Variants in DAPK1 observed in about 807,000 individuals in gnomAD.
DAPK1 encodes the protein death associated protein kinase 1.
A neutral mutation model predicts 144.9 loss-of-function variants in DAPK1; 56 were observed. The ratio of observed to expected loss-of-function variants is 0.39; its 90% confidence interval spans 0.31 to 0.48. DAPK1 has a LOEUF of 0.48. Among genes scored for constraint, DAPK1 ranks in the 20% least tolerant of loss-of-function variants. The probability of loss-of-function intolerance (pLI) is 0.95; values close to 1 mark genes in which losing one functional copy is unlikely to be tolerated. For synonymous variants in DAPK1, 690 were observed against 749.0 expected, an observed-to-expected ratio of 0.92 and a Z score of 1.29; for missense variants, 1,454 against 1,875.4, an observed-to-expected ratio of 0.78 and a Z score of 4.15.
chr9:87,618,394 G>A (rs190772707), intron 3 of DAPK1, among the ~76,000 whole-genome samples: 4 of 152,304 alleles, frequency 2.6e-5, no homozygotes, highest in South Asian at 2.1e-4. Context: ...AATGTTAAAC[G>A]TAGTTTTCAT....
chr9:87,626,910 A>G (rs889541298), intron 3 of DAPK1, among the ~76,000 whole-genome samples: 1 of 152,144 alleles, frequency 6.6e-6, no homozygotes, highest in Non-Finnish European at 1.5e-5. Context: ...GGAGGGCTGT[A>G]CACCATACTC....
intron 3 of DAPK1, among the ~76,000 whole-genome samples, chr9:87,622,962 G>T (rs774416839): frequency 1.2e-4 from 19 of 152,092 alleles, no homozygotes; most frequent in Admixed American, 2.6e-4. Context: ...GTCAAGCTGA[G>T]AACTGCAGCC....
At position 87,579,127 on chromosome 9, in the gene DAPK1, A is replaced by G. The variant is rs539550246; in HGVS notation, c.63-25827A>G. Among the ~76,000 whole-genome samples the G allele has an allele frequency of 2.8e-4, 43 of 152,290 alleles. 1 individual carries two copies. The highest frequency in any genetic ancestry group is 9.4e-4 in the African/African-American group (39 of 41,578). ...TATATATAATCTATTCCAAGGTGAG[A>G]CAGCACCCCCTCCCCACTGATGCAC... On this transcript the variant is annotated intron_variant, in intron 2 of 25. Transcript: ENST00000408954.
intron 2 of DAPK1, among the ~76,000 whole-genome samples, chr9:87,592,112 G>A (rs1457021145): frequency 6.6e-6 from 1 of 152,042 alleles, no homozygotes; most frequent in East Asian, 1.9e-4. Context: ...TATCACTGCA[G>A]ACAAGCACAG....
chr9:87,575,713 ACGTTAT>A (rs1241271375), intron 2 of DAPK1, among the ~76,000 whole-genome samples: 1 of 152,214 alleles, frequency 6.6e-6, no homozygotes, highest in Non-Finnish European at 1.5e-5. Flanking sequence ...AGTGGGCTGA[ACGTTAT>A]CTCTCCCTCC....
chr9:87,522,326 G>C (rs967464765), intron 2 of DAPK1, among the ~76,000 whole-genome samples: 1 of 152,182 alleles, frequency 6.6e-6, no homozygotes. Context: ...GTTCCTTCTA[G>C]TGAGTCTTGA....
intron 2 of DAPK1, among the ~76,000 whole-genome samples, chr9:87,512,860 C>G (rs1444477858): frequency 6.6e-6 from 1 of 152,088 alleles, no homozygotes; most frequent in Admixed American, 6.6e-5. Flanking sequence ...AGGCTGGTCT[C>G]GAACTCCTGA....
At chr9:87,581,597 G>A (rs904180554) in intron 2 of DAPK1, among the ~76,000 whole-genome samples, 1 of 152,166 alleles carries the variant, frequency 6.6e-6, no homozygotes, top group Non-Finnish European at 1.5e-5. Flanking sequence ...AGCTCGTTTG[G>A]GTTGTAAATT....
intron 9 of DAPK1, 102 bp downstream of exon 9, chr9:87,640,949 C>T (rs1830073062): frequency 1.8e-6 from 2 of 1,129,126 alleles, no homozygotes; most frequent in South Asian, 2.5e-5. Flanking sequence ...ACAGGTCACA[C>T]CTGGAGTGTT....
chr9:87,531,587 A>T (rs1825699491), intron 2 of DAPK1, among the ~76,000 whole-genome samples: 1 of 152,154 alleles, frequency 6.6e-6, no homozygotes, highest in Non-Finnish European at 1.5e-5. Context: ...GAGTAGAAAA[A>T]GGCAGAGGAG....
chr9:87,681,832 A>G, intron 20 of DAPK1: 1 of 594,602 alleles, frequency 1.7e-6, no homozygotes, highest in Admixed American at 2.9e-5. Flanking sequence ...ACTTGGCAGT[A>G]GCAAAACAAG....
intron 2 of DAPK1, among the ~76,000 whole-genome samples, chr9:87,583,982 T>G (rs183056856): frequency 2.0e-5 from 3 of 152,362 alleles, no homozygotes; most frequent in African/African-American, 7.2e-5. Flanking sequence ...CTATTTTTAT[T>G]TAATATTGGG....
At chr9:87,541,282 T>C (rs1375101896) in intron 2 of DAPK1, among the ~76,000 whole-genome samples, 1 of 152,150 alleles carries the variant, frequency 6.6e-6, no homozygotes, top group Non-Finnish European at 1.5e-5. Flanking sequence ...GCATGGCGGC[T>C]CACACCTGTA....
chr9:87,520,325 G>A (rs1040035751), intron 2 of DAPK1, among the ~76,000 whole-genome samples: 1 of 152,148 alleles, frequency 6.6e-6, no homozygotes, highest in Admixed American at 6.5e-5. Flanking sequence ...TAGCCTCCTC[G>A]CACTCTGGGA....
At chr9:87,538,699 A>G (rs1339354766) in intron 2 of DAPK1, among the ~76,000 whole-genome samples, 2 of 152,208 alleles carry the variant, frequency 1.3e-5, no homozygotes, top group Non-Finnish European at 2.9e-5. Context: ...TTGCCCGCAT[A>G]TGAAAAAGAA....
At position 87,497,989 on chromosome 9, in the gene DAPK1, C is replaced by T. The variant is rs1235247949; in HGVS notation, c.-227C>T. 4 of 397,162 alleles carry T rather than the reference C, an allele frequency of 1.0e-5. No homozygotes were observed. Among genetic ancestry groups the T allele is most frequent in the East Asian group, 3.6e-5 (1 of 28,010 alleles). The allele number at this position is 397,162 out of a possible 1,614,324, so 24.6% of individuals were successfully genotyped here. ...GGCCGGCGCCTGGGAGGGATCTGCGCCCCCCACTCACTCCCTAGCTGTGTT... is the reference window on the plus strand; with the variant it reads ...GGCCGGCGCCTGGGAGGGATCTGCGTCCCCCACTCACTCCCTAGCTGTGTT... On this transcript the variant is annotated 5_prime_UTR_variant, in exon 1 of 26. Coordinates refer to ENST00000408954, the MANE Select transcript of DAPK1 (RefSeq NM_004938.4).
chr9:87,670,132 G>A (rs1045268591), intron 19 of DAPK1, among the ~76,000 whole-genome samples: 29 of 152,182 alleles, frequency 1.9e-4, no homozygotes, highest in African/African-American at 6.5e-4. Flanking sequence ...TTATGCCAGC[G>A]AATTTGGACT....
chr9:87,507,690 C>T (rs1003603138), intron 2 of DAPK1, among the ~76,000 whole-genome samples: 1 of 151,786 alleles, frequency 6.6e-6, no homozygotes, highest in African/African-American at 2.4e-5. Flanking sequence ...GGACGAAGAA[C>T]ATAATGTTTG....
At chr9:87,537,211 C>T (rs770085865) in intron 2 of DAPK1, among the ~76,000 whole-genome samples, 1 of 152,226 alleles carries the variant, frequency 6.6e-6, no homozygotes, top group Non-Finnish European at 1.5e-5. Context: ...TTGTCTCGAA[C>T]TCCTGCCCTC....
Sources: gnomAD v4.1 joint callset for allele counts (sites outside exome capture counted in the v4.1 genomes callset) on GRCh38, gnomAD v4.1.1 for gene constraint, MANE v1.5 for transcripts, NCBI Gene and HGNC (gene_info 2026-07-23, HGNC 2026-07-21) for gene names.